RNF44: variants seen among roughly 807,000 people sequenced by gnomAD.
The protein encoded by RNF44 is ring finger protein 44.
Under a neutral mutation model 53.6 loss-of-function variants are expected in RNF44, and 25 were observed. The observed-to-expected ratio is 0.47, with a 90% CI of 0.34 to 0.65. The LOEUF (loss-of-function observed/expected upper bound fraction) is 0.65, where lower values mean the gene tolerates loss of function less well. RNF44 is among the 30% of genes least tolerant of loss of function. RNF44 has a pLI of 0.01. For synonymous variants in RNF44, 282 were observed against 252.2 expected, an observed-to-expected ratio of 1.12 and a Z score of -1.12; for missense variants, 581 against 595.5, an observed-to-expected ratio of 0.98 and a Z score of 0.25.
chr5:176,534,988 G>A (rs1036763840), intron 1 of RNF44, among the ~76,000 whole-genome samples: 1 of 152,236 alleles, frequency 6.6e-6, no homozygotes, highest in African/African-American at 2.4e-5. Context: ...AGGCCTGTGG[G>A]TGTCTGCTCT....
In RNF44 at chr5:176,531,921, C is replaced by T; in HGVS notation, c.297+83G>A. 7.1e-7 allele frequency: 1 copy of T among 1,399,952 alleles called. No individual in the cohort carries two copies. The highest frequency in any genetic ancestry group is 1.4e-5 in the South Asian group (1 of 71,580). 86.7% of individuals were successfully genotyped at this position (1,399,952 alleles called of 1,614,324 possible). Reference sequence around the variant, plus strand: ...TCCCTGGAACGTGAAATGAAGCAAGCTAGGTGAAATCTAGGCCTTGCTGCC... The same window carrying T: ...TCCCTGGAACGTGAAATGAAGCAAGTTAGGTGAAATCTAGGCCTTGCTGCC... On this transcript the variant is annotated intron_variant, in intron 3 of 10. Transcript: ENST00000274811. The surrounding 1 kb of genome is among the most constrained non-coding windows in gnomAD (Gnocchi z 4.2).
In RNF44 at chr5:176,531,727, CCCTTCCCTTCTCCACGGCGG is replaced by C; in HGVS notation, c.298-117_298-98del. 2 of 1,295,228 alleles carry C rather than the reference CCCTTCCCTTCTCCACGGCGG, an allele frequency of 1.5e-6. No homozygotes were observed. Among genetic ancestry groups the C allele is most frequent in the South Asian group, 2.9e-5 (2 of 68,872 alleles). The allele number at this position is 1,295,228 out of a possible 1,614,324, so 80.2% of individuals were successfully genotyped here. On this transcript the variant is annotated intron_variant, in intron 3 of 10. Transcript: ENST00000274811. This position sits in a 1 kb window ranked among gnomAD's most constrained non-coding sequence, Gnocchi z 4.2. ...ATCCTGCCACATCCAGCTGCCGGCT[CCCTTCCCTTCTCCACGGCGG>C]CCTACCTCAGTGCAGACCAGACTGT...
chr5:176,537,117 CCT>C lies in RNF44; in HGVS notation c.-224_-223del, dbSNP rs912359698. The C allele has an allele frequency of 1.5e-4, 23 of 152,432 alleles. No homozygotes were observed. Among genetic ancestry groups the C allele is most frequent in the African/African-American group, 4.8e-4 (20 of 41,568 alleles). 9.4% of individuals were successfully genotyped at this position (152,432 alleles called of 1,614,324 possible). A position where few individuals can be genotyped will look rare whatever the true frequency, so the allele number is the denominator to read the frequency against. ...GGGGGCAGCCCGGCTCCTTCCGGGG[CCT>C]CTCTCTTTGTTGTCCGCCCGACGGC... On this transcript the variant is annotated 5_prime_UTR_variant, in exon 1 of 11. Coordinates refer to ENST00000274811, the MANE Select transcript of RNF44 (RefSeq NM_014901.5).
upstream of RNF44, among the ~76,000 whole-genome samples, chr5:176,540,637 C>A (rs548205779): frequency 1.3e-5 from 2 of 152,364 alleles, no homozygotes; most frequent in African/African-American, 4.8e-5. Flanking sequence ...AACACCCAGT[C>A]CAGGACCTGG....
chr5:176,530,145 A>G lies in RNF44; in HGVS notation c.863T>C (p.Leu288Pro). Residue 288 changes from leucine (L) to proline (P), a missense_variant, in exon 7 of 11, where the codon CTG (leucine) becomes CCG (proline). Around this residue, in one of 3 missense-constraint regions of RNF44, gnomAD observed 183 missense variants for 198.6 expected, o/e 0.92. Transcript: ENST00000274811. ...GGGTGGGGGTGGGGGCGGCGGGGGC[A>G]GTGGCTGCTGCAGGCGGTATCTCTG... The part of the protein sequence containing the change: ...STQRYRLQQP[L>P]PPPPPPPPPP... 7.7e-7 allele frequency: 1 copy of G among 1,299,314 alleles called. No individual in the cohort carries two copies. Among genetic ancestry groups the G allele is most frequent in the Non-Finnish European group, 9.8e-7 (1 of 1,019,200 alleles). The allele number at this position is 1,299,314 out of a possible 1,614,324, so 80.5% of individuals were successfully genotyped here. A position where few individuals can be genotyped will look rare whatever the true frequency, so the allele number is the denominator to read the frequency against.
Position 176,530,184 on chromosome 5 carries a change from C to T in RNF44, c.824G>A (p.Arg275Gln), listed in dbSNP as rs944035954. Residue 275 changes from arginine (R) to glutamine (Q), a missense_variant, in exon 7 of 11, where the codon CGG becomes CAG. Transcript: ENST00000274811. Reference sequence around the variant, plus strand: ...GCGGTATCTCTGGGTGCTCAGTCTCCGTGGCATCATGTGAGAATATGGCTG... The same window carrying T: ...GCGGTATCTCTGGGTGCTCAGTCTCTGTGGCATCATGTGAGAATATGGCTG... ...FGVPYSHMMP[R>Q]RLSTQRYRLQ... 22 of 1,323,582 alleles carry T rather than the reference C, an allele frequency of 1.7e-5. 1 individual carries two copies. The highest frequency in any genetic ancestry group is 5.7e-4 in the Middle Eastern group (2 of 3,518). The allele number at this position is 1,323,582 out of a possible 1,614,324, so 82.0% of individuals were successfully genotyped here.
intron 1 of RNF44, among the ~76,000 whole-genome samples, chr5:176,534,784 A>T (rs769158989): frequency 6.6e-6 from 1 of 152,254 alleles, no homozygotes; most frequent in Non-Finnish European, 1.5e-5. Flanking sequence ...AGGTCAGGAC[A>T]CCAAGGCTCA....
Position 176,532,173 on chromosome 5 carries a change from A to AG in RNF44, c.127dup (p.Leu43ProfsTer9). The AG allele has an allele frequency of 6.5e-7, 1 of 1,541,676 alleles. No individual in the cohort carries two copies. The highest frequency in any genetic ancestry group is 8.7e-7 in the Non-Finnish European group (1 of 1,147,046). The stretch of plus-strand genomic sequence containing the variant: ...CTCATCCCGGGCAGGCGGGCTGGCC[A>AG]GGGGGCCCTCGAGGCCAGGGCTGCA... On this transcript the variant is annotated frameshift_variant, in exon 3 of 11. Transcript: ENST00000274811. LOFTEE classifies it high-confidence loss of function.
chr5:176,530,928 G>C lies in RNF44; in HGVS notation c.559C>G (p.Pro187Ala). The C allele has an allele frequency of 7.0e-7, 1 of 1,419,792 alleles. No individual in the cohort carries two copies. Among genetic ancestry groups the C allele is most frequent in the Non-Finnish European group, 9.3e-7 (1 of 1,075,172 alleles). 87.9% of individuals were successfully genotyped at this position (1,419,792 alleles called of 1,614,324 possible). Reference protein sequence around the residue: ...SSDHYILHPPPPAPPPQPTHM... With the variant: ...SSDHYILHPPAPAPPPQPTHM... ...GTGGGCTGGGGGGGTGGGGCCGGTG[G>C]TGGGGGGTGCAGGATGTAGTGGTCA... Residue 187 changes from proline to alanine, a missense_variant, in exon 5 of 11, where the codon CCA becomes GCA. By Grantham distance (27) the Pro-to-Ala change is conservative (BLOSUM62 -1). Transcript: ENST00000274811.
At chr5:176,542,064 G>A (rs1757460102), upstream of RNF44, among the ~76,000 whole-genome samples, 1 of 152,340 alleles carries the variant, frequency 6.6e-6, no homozygotes, top group African/African-American at 2.4e-5. Context: ...AGGGCAGGGC[G>A]TCTGGAGAGG....
upstream of RNF44, chr5:176,537,655 C>G (rs1032151645): frequency 6.6e-6 from 1 of 152,262 alleles, no homozygotes; most frequent in South Asian, 2.1e-4. Flanking sequence ...AACTCGCTAA[C>G]TACTCGCGCC....
chr5:176,541,688 C>G (rs1757451331), upstream of RNF44, among the ~76,000 whole-genome samples: 1 of 152,184 alleles, frequency 6.6e-6, no homozygotes, highest in Non-Finnish European at 1.5e-5. Context: ...GACTAGGGTT[C>G]TCACCTACCC....
rs1644516177 is a variant in RNF44 at position 176,531,852 on chromosome 5, C to T, written c.297+152G>A. The T allele has an allele frequency of 2.1e-6, 2 of 946,608 alleles. No homozygotes were observed. Among genetic ancestry groups the T allele is most frequent in the Non-Finnish European group, 3.1e-6 (2 of 642,572 alleles). The allele number at this position is 946,608 out of a possible 1,614,324, so 58.6% of individuals were successfully genotyped here. ...CTAGTCACCCAGTGTGGCCCTTTCC[C>T]CGGGCCTCAGTTTACCTACCTGTAA... On this transcript the variant is annotated intron_variant, in intron 3 of 10. Coordinates refer to ENST00000274811, the MANE Select transcript of RNF44 (RefSeq NM_014901.5). The surrounding 1 kb of genome is among the most constrained non-coding windows in gnomAD (Gnocchi z 4.2).
chr5:176,532,611 T>G (rs1756801160), intron 1 of RNF44, 95 bp from the exon 2 acceptor site: 2 of 1,091,638 alleles, frequency 1.8e-6, no homozygotes, highest in African/African-American at 1.6e-5. Flanking sequence ...GGCATGGTGG[T>G]GGACACCTGT....
rs913290133 is a variant in RNF44 at position 176,531,396 on chromosome 5, C to A, written c.465+67G>T. The A allele has an allele frequency of 6.8e-7, 1 of 1,475,870 alleles. No individual in the cohort carries two copies. The highest frequency in any genetic ancestry group is 2.5e-5 in the East Asian group (1 of 40,540). 91.4% of individuals were successfully genotyped at this position (1,475,870 alleles called of 1,614,324 possible). ...GCCCAGTTCAGGGCTGCCCTGGGCC[C>A]GCTGAGCCGCTGGCCTGTGCCTGGG... is the stretch of plus-strand genomic sequence containing the variant. On this transcript the variant is annotated intron_variant, in intron 4 of 10. Coordinates refer to ENST00000274811, the MANE Select transcript of RNF44 (RefSeq NM_014901.5). The surrounding 1 kb of genome is among the most constrained non-coding windows in gnomAD (Gnocchi z 4.2).
rs376857436 is a variant in RNF44, at chr5:176,534,240, CCAA to C, written c.-44-1727_-44-1725del. ...AAGGTCACCCAGTCTGGCAGCAATG[CCAA>C]CAACTGACAGTTGGGAGATTACAAA... On this transcript the variant is annotated intron_variant, in intron 1 of 10. Coordinates refer to ENST00000274811, the MANE Select transcript of RNF44 (RefSeq NM_014901.5). Among the ~76,000 whole-genome samples, 216 of 152,362 alleles carry C rather than the reference CCAA, an allele frequency of 1.4e-3. 1 individual carries two copies. The highest frequency in any genetic ancestry group is 0.01 in the Middle Eastern group (3 of 294).
Position 176,528,724 on chromosome 5 carries a change from C to A in RNF44, c.*304G>T. The A allele has an allele frequency of 2.1e-6, 1 of 470,264 alleles. No homozygotes were observed. Among genetic ancestry groups the A allele is most frequent in the Non-Finnish European group, 3.8e-6 (1 of 262,018 alleles). 29.1% of individuals were successfully genotyped at this position (470,264 alleles called of 1,614,324 possible). On this transcript the variant is annotated 3_prime_UTR_variant, in exon 11 of 11. Transcript: ENST00000274811. ...CCACTGAGGGAGCGGACCCCTGGCA[C>A]TCAGTGCCAGCAGGAAAAGGAGGGA...
At chr5:176,540,598 C>T (rs1021548837), upstream of RNF44, among the ~76,000 whole-genome samples, 33 of 152,230 alleles carry the variant, frequency 2.2e-4, no homozygotes, top group African/African-American at 7.2e-4. Flanking sequence ...CTCCATGTGA[C>T]TGCTGCCCCT....
At chr5:176,534,554 C>T (rs1756992089) in intron 1 of RNF44, among the ~76,000 whole-genome samples, 1 of 152,242 alleles carries the variant, frequency 6.6e-6, no homozygotes, top group African/African-American at 2.4e-5. Context: ...CCATCCCAGT[C>T]CTCCTGGACC....
Sources: gnomAD v4.1 joint callset for allele counts (sites outside exome capture counted in the v4.1 genomes callset) on GRCh38, gnomAD v4.1.1 for gene constraint, gnomAD v4.1.1 regional missense constraint, Gnocchi (gnomAD v3.1) non-coding constraint, MANE v1.5 for transcripts, NCBI Gene and HGNC (gene_info 2026-07-23, HGNC 2026-07-21) for gene names.